Variants in PTX3 observed in about 807,000 individuals in gnomAD.
The protein encoded by PTX3 is pentraxin-related protein PTX3.
PTX3 carries 24 observed loss-of-function variants against 23.5 expected under a neutral mutation model. That is an observed-to-expected ratio of 1.02 (90% CI 0.74 to 1.43). The LOEUF (loss-of-function observed/expected upper bound fraction) is 1.43, where lower values mean the gene tolerates loss of function less well. Among genes scored for constraint, PTX3 ranks in the 40% most tolerant of loss-of-function variants. PTX3 has a pLI of 0.00. For synonymous variants in PTX3, 218 were observed against 205.4 expected, an observed-to-expected ratio of 1.06 and a Z score of -0.53; for missense variants, 510 against 497.5, an observed-to-expected ratio of 1.02 and a Z score of -0.24.
chr3:157,442,460 C>T lies in PTX3; in HGVS notation c.627C>T (p.Ala209=), dbSNP rs1734201064. The T allele has an allele frequency of 2.5e-6, 4 of 1,614,156 alleles. No individual in the cohort carries two copies. Among genetic ancestry groups the T allele is most frequent in the African/African-American group, 1.3e-5 (1 of 75,034 alleles). Residue 209 remains alanine, a synonymous_variant, in exon 3 of 3, where the codon GCC becomes GCT. Transcript: ENST00000295927. ...CAATGAGGCTTGAGTCTTTTAGTGCCTGCATTTGGGTCAAAGCCACAGATG... is the reference window on the plus strand; with the variant it reads ...CAATGAGGCTTGAGTCTTTTAGTGCTTGCATTTGGGTCAAAGCCACAGATG... ...VRPMRLESFS[A]CIWVKATDVL... is the part of the protein sequence containing the mutation.
chr3:157,440,358 G>T (rs985261710), intron 2 of PTX3, among the ~76,000 whole-genome samples: 10 of 152,056 alleles, frequency 6.6e-5, no homozygotes, highest in African/African-American at 2.4e-4. Context: ...GTTCATATTT[G>T]TTTAATGTTT....
rs1423427746 is a variant in PTX3, at chr3:157,438,027, G to GCC, written c.532+114_532+115insCC. On this transcript the variant is annotated intron_variant, in intron 2 of 2. Coordinates refer to ENST00000295927, the MANE Select transcript of PTX3 (RefSeq NM_002852.4). ...GGGGAAGCTTTCATGGGAAGCGCGC[G>GCC]CGCGCGCGCGCACACACACACACAC... 4.8e-6 allele frequency: 4 copies of GCC among 828,066 alleles called. No individual in the cohort carries two copies. In the African/African-American group the frequency reaches 9.4e-5, roughly 19 times the overall value. The allele number at this position is 828,066 out of a possible 1,614,324, so 51.3% of individuals were successfully genotyped here.
rs528009946 is a variant in PTX3 at position 157,440,753 on chromosome 3, C to T, written c.533-1613C>T. ...TTCCCAGGGACACGTAAAAGGTTTT[C>T]GTTTCAGCATCTCCAGCTTCCCAAA... On this transcript the variant is annotated intron_variant, in intron 2 of 2. Transcript: ENST00000295927. Among the ~76,000 whole-genome samples, 64 of 152,132 alleles carry T rather than the reference C, an allele frequency of 4.2e-4. No individual in the cohort carries two copies. In the South Asian group the frequency reaches 9.5e-3, roughly 23 times the overall value.
chr3:157,438,661 G>T (rs182230671), intron 2 of PTX3, among the ~76,000 whole-genome samples: 1 of 152,266 alleles, frequency 6.6e-6, no homozygotes, highest in East Asian at 1.9e-4. Context: ...GGCCAAGCAG[G>T]AGAGAGACTG....
At chr3:157,437,987 C>A in intron 2 of PTX3, 73 bp downstream of exon 2, 4 of 1,484,566 alleles carry the variant, frequency 2.7e-6, no homozygotes, top group South Asian at 2.5e-5. Context: ...GCAAGCCAAG[C>A]CAGGCAACCT....
chr3:157,437,941 T>A (rs778623492), intron 2 of PTX3, 27 bp downstream of exon 2: 19 of 1,526,042 alleles, frequency 1.2e-5, no homozygotes, highest in Non-Finnish European at 1.7e-5. Context: ...GGCCGGGACC[T>A]CCCACTGCGG....
At chr3:157,439,895 T>C (rs540238380) in intron 2 of PTX3, among the ~76,000 whole-genome samples, 1 of 152,088 alleles carries the variant, frequency 6.6e-6, no homozygotes, top group African/African-American at 2.4e-5. Flanking sequence ...GGACTACAGG[T>C]GCTCGCCACC....
chr3:157,438,418 G>GCCGGCC (rs1733845948), intron 2 of PTX3, among the ~76,000 whole-genome samples: 1 of 152,112 alleles, frequency 6.6e-6, no homozygotes, highest in Non-Finnish European at 1.5e-5. Context: ...CAGCCCCTCA[G>GCCGGCC]CCGGCCCCTC....
chr3:157,437,663 G>A lies in PTX3; in HGVS notation c.281G>A (p.Arg94Gln). 1.3e-6 allele frequency: 2 copies of A among 1,541,142 alleles called. No individual in the cohort carries two copies. The highest frequency in any genetic ancestry group is 2.0e-5 in the Admixed American group (1 of 50,958). Residue 94 changes from arginine (R) to glutamine (Q), a missense_variant, in exon 2 of 3, where the codon CGG becomes CAG. Coordinates refer to ENST00000295927, the MANE Select transcript of PTX3 (RefSeq NM_002852.4). ...ELQRLREELG[R>Q]LAESLARPCA... ...CAGAGGCTGCGGGAGGAGCTGGGCC[G>A]GCTCGCGGAAAGCCTGGCGAGGCCG...
At chr3:157,439,773 C>T (rs981243926) in intron 2 of PTX3, among the ~76,000 whole-genome samples, 3 of 152,094 alleles carry the variant, frequency 2.0e-5, no homozygotes, top group Non-Finnish European at 2.9e-5. Context: ...TTCTTTGAGA[C>T]GGAATCTCGC....
rs1402261940 is a variant in PTX3 at position 157,443,090 on chromosome 3, A to G, written c.*111A>G. 3 of 1,287,390 alleles carry G rather than the reference A, an allele frequency of 2.3e-6. No homozygotes were observed. The East Asian group carries it at 7.3e-5, about 32-fold the overall frequency. 79.7% of individuals were successfully genotyped at this position (1,287,390 alleles called of 1,614,324 possible). ...TAATAGGAACACTTGAGACTAATGA[A>G]AGAGAGAGTTGAGACCAATCTTTAT... On this transcript the variant is annotated 3_prime_UTR_variant, in exon 3 of 3. Coordinates refer to ENST00000295927, the MANE Select transcript of PTX3 (RefSeq NM_002852.4).
intron 2 of PTX3, among the ~76,000 whole-genome samples, chr3:157,438,570 G>C (rs1733862890): frequency 6.6e-6 from 1 of 152,080 alleles, no homozygotes; most frequent in African/African-American, 2.4e-5. Flanking sequence ...GTGCGGTTTG[G>C]GATTCAGCGT....
chr3:157,438,061 A>C, intron 2 of PTX3, 147 bp downstream of exon 2: 2 of 747,454 alleles, frequency 2.7e-6, no homozygotes, highest in Non-Finnish European at 2.1e-6. Flanking sequence ...ACACACACAC[A>C]CACACACACA....
Position 157,437,754 on chromosome 3 carries a change from C to T in PTX3, c.372C>T (p.Thr124=), listed in dbSNP as rs1733739062. 1.3e-6 allele frequency: 2 copies of T among 1,490,250 alleles called. No homozygotes were observed. Among genetic ancestry groups the T allele is most frequent in the Non-Finnish European group, 8.8e-7 (1 of 1,130,224 alleles). The allele number at this position is 1,490,250 out of a possible 1,614,324, so 92.3% of individuals were successfully genotyped here. A position where few individuals can be genotyped will look rare whatever the true frequency, so the allele number is the denominator to read the frequency against. The change falls in exon 2 of 3, where the codon ACC becomes ACT. Residue 124 remains threonine, a synonymous_variant. Transcript: ENST00000295927. ...CTCTGGACGAGCTGCTGCAGGCGAC[C>T]CGCGACGCGGGCCGCAGGCTGGCGC... ...TSALDELLQA[T]RDAGRRLARM...
intron 2 of PTX3, among the ~76,000 whole-genome samples, chr3:157,439,949 A>G (rs1733990500): frequency 6.6e-6 from 1 of 152,042 alleles, no homozygotes; most frequent in African/African-American, 2.4e-5. Flanking sequence ...ACGGGGTTTC[A>G]CCGTGTTAGC....
intron 2 of PTX3, 106 bp downstream of exon 2, chr3:157,438,020 A>AAC: frequency 2.4e-6 from 2 of 836,440 alleles, no homozygotes; most frequent in Non-Finnish European, 3.4e-6. Flanking sequence ...TTTCATGGGA[A>AAC]GCGCGCGCGC....
At chr3:157,438,001 A>C in intron 2 of PTX3, 87 bp downstream of exon 2, 1 of 1,438,142 alleles carries the variant, frequency 7.0e-7, no homozygotes, top group Non-Finnish European at 9.2e-7. Flanking sequence ...GCAACCTTCT[A>C]GGGGAAGCTT....
rs1231300252 is a variant in PTX3, at chr3:157,437,751, G to A, written c.369G>A (p.Ala123=). ...GTGCTCTGGACGAGCTGCTGCAGGCGACCCGCGACGCGGGCCGCAGGCTGG... is the reference window on the plus strand; with the variant it reads ...GTGCTCTGGACGAGCTGCTGCAGGCAACCCGCGACGCGGGCCGCAGGCTGG... ...LTSALDELLQ[A]TRDAGRRLAR... Residue 123 remains alanine (A), a synonymous_variant, in exon 2 of 3, where the codon GCG becomes GCA. Coordinates refer to ENST00000295927, the MANE Select transcript of PTX3 (RefSeq NM_002852.4). 7 of 1,491,034 alleles carry A rather than the reference G, an allele frequency of 4.7e-6. No individual in the cohort carries two copies. Among genetic ancestry groups the A allele is most frequent in the Non-Finnish European group, 6.2e-6 (7 of 1,130,598 alleles). 92.4% of individuals were successfully genotyped at this position (1,491,034 alleles called of 1,614,324 possible). A position where few individuals can be genotyped will look rare whatever the true frequency, so the allele number is the denominator to read the frequency against.
chr3:157,438,033 G>GCA lies in PTX3; in HGVS notation c.532+120_532+121insAC, dbSNP rs1187828452. On this transcript the variant is annotated intron_variant, in intron 2 of 2. Coordinates refer to ENST00000295927, the MANE Select transcript of PTX3 (RefSeq NM_002852.4). ...GCTTTCATGGGAAGCGCGCGCGCGC[G>GCA]CGCGCACACACACACACACACACAC... 31 of 794,046 alleles carry GCA rather than the reference G, an allele frequency of 3.9e-5. No homozygotes were observed. The African/African-American group carries it at 5.7e-4, about 14-fold the overall frequency. The allele number at this position is 794,046 out of a possible 1,614,324, so 49.2% of individuals were successfully genotyped here.
Sources: allele counts gnomAD v4.1 joint callset (sites outside exome capture counted in the v4.1 genomes callset), GRCh38; gene constraint gnomAD v4.1.1; transcripts MANE v1.5; gene names NCBI Gene and HGNC (gene_info 2026-07-23, HGNC 2026-07-21).